HEMK2: variants seen among roughly 807,000 people sequenced by gnomAD.
The protein encoded by HEMK2 is HemK methyltransferase 2, ETF1 glutamine and histone H4 lysine, also known as methyltransferase HEMK2.
the HEMK2 span, among the ~76,000 whole-genome samples, chr21:28,858,955 C>T: frequency 1.3e-5 from 2 of 152,182 alleles, no homozygotes; most frequent in Non-Finnish European, 2.9e-5. Context: ...GGTCAATTAT[C>T]TTATTTGAGA....
At chr21:28,877,124 GA>G in the HEMK2 span, among the ~76,000 whole-genome samples, 12 of 66,122 alleles carry the variant, frequency 1.8e-4, no homozygotes, top group South Asian at 8.9e-4. Context: ...ACAGAAGGAA[GA>G]AAAAAAGAGA....
chr21:28,740,890 T>C, the HEMK2 span, among the ~76,000 whole-genome samples: 4 of 151,830 alleles, frequency 2.6e-5, no homozygotes, highest in Non-Finnish European at 5.9e-5. Context: ...TGGATAAGTA[T>C]GTTAATAAAT....
At chr21:28,751,093 T>C in the HEMK2 span, among the ~76,000 whole-genome samples, 2 of 151,966 alleles carry the variant, frequency 1.3e-5, no homozygotes, top group Admixed American at 1.3e-4. Flanking sequence ...TAGCCGGGCG[T>C]GGTGGCGAGC....
At chr21:28,864,275 G>A in the HEMK2 span, among the ~76,000 whole-genome samples, 16 of 152,194 alleles carry the variant, frequency 1.1e-4, no homozygotes, top group African/African-American at 3.9e-4. Flanking sequence ...CTAGAGATGA[G>A]AGAGAGAGAG....
the HEMK2 span, among the ~76,000 whole-genome samples, chr21:28,822,598 T>C: frequency 2.6e-5 from 4 of 151,914 alleles, no homozygotes; most frequent in Non-Finnish European, 4.4e-5. Flanking sequence ...TATACACATA[T>C]ATATATCCCT....
At chr21:28,667,710 A>G in the HEMK2 span, among the ~76,000 whole-genome samples, 1 of 152,214 alleles carries the variant, frequency 6.6e-6, no homozygotes, top group Non-Finnish European at 1.5e-5. Flanking sequence ...TAAAAACACT[A>G]TTCTAGAGGC....
the HEMK2 span, among the ~76,000 whole-genome samples, chr21:28,747,601 G>T: frequency 6.6e-6 from 1 of 152,112 alleles, no homozygotes; most frequent in South Asian, 2.1e-4. Flanking sequence ...GTTTAAAATG[G>T]ACTTTTATGT....
the HEMK2 span, among the ~76,000 whole-genome samples, chr21:28,630,842 A>C: frequency 6.6e-6 from 1 of 151,566 alleles, no homozygotes; most frequent in African/African-American, 2.4e-5. Flanking sequence ...TGACGAGTTA[A>C]TGGGTGCAGC....
At chr21:28,767,949 G>A in the HEMK2 span, among the ~76,000 whole-genome samples, 5 of 151,778 alleles carry the variant, frequency 3.3e-5, no homozygotes, top group Admixed American at 6.6e-5. Flanking sequence ...CCCCTCCAGC[G>A]ACCCCCCTTT....
chr21:28,662,664 T>A, the HEMK2 span, among the ~76,000 whole-genome samples: 1 of 152,158 alleles, frequency 6.6e-6, no homozygotes, highest in Admixed American at 6.5e-5. Flanking sequence ...TGACTTCTTA[T>A]GAGATCTGAT....
At chr21:28,648,067 A>G in the HEMK2 span, among the ~76,000 whole-genome samples, 1 of 152,196 alleles carries the variant, frequency 6.6e-6, no homozygotes, top group Non-Finnish European at 1.5e-5. Flanking sequence ...AGAGGCTGAG[A>G]TTTCTTAATG....
At chr21:28,704,293 C>T in the HEMK2 span, among the ~76,000 whole-genome samples, 1 of 152,140 alleles carries the variant, frequency 6.6e-6, no homozygotes, top group Non-Finnish European at 1.5e-5. Flanking sequence ...TATCCCTTCT[C>T]AGACCTCCTA....
the HEMK2 span, among the ~76,000 whole-genome samples, chr21:28,712,358 G>A: frequency 6.6e-6 from 1 of 152,224 alleles, no homozygotes; most frequent in Admixed American, 6.5e-5. Flanking sequence ...TTTAGTAATA[G>A]AGAAGAAGAG....
the HEMK2 span, among the ~76,000 whole-genome samples, chr21:28,881,374 T>C: frequency 2.0e-5 from 3 of 152,078 alleles, no homozygotes; most frequent in African/African-American, 7.2e-5. Context: ...CAGCAAAAGG[T>C]TGAGAGATAG....
At chr21:28,589,666 T>C in the HEMK2 span, among the ~76,000 whole-genome samples, 3 of 152,146 alleles carry the variant, frequency 2.0e-5, no homozygotes, top group African/African-American at 4.8e-5. Flanking sequence ...GAATGATCCA[T>C]GTGGTATACT....
chr21:28,719,181 G>C, the HEMK2 span, among the ~76,000 whole-genome samples: 7 of 152,126 alleles, frequency 4.6e-5, no homozygotes, highest in East Asian at 1.9e-4. Flanking sequence ...GCATCATTAT[G>C]CTTTGGGTTT....
At chr21:28,857,205 TG>T in the HEMK2 span, among the ~76,000 whole-genome samples, 35 of 152,168 alleles carry the variant, frequency 2.3e-4, no homozygotes, top group Admixed American at 3.9e-4. Flanking sequence ...TAGCAAACTT[TG>T]TATAAAGTTC....
At chr21:28,783,497 T>C in the HEMK2 span, among the ~76,000 whole-genome samples, 1 of 152,220 alleles carries the variant, frequency 6.6e-6, no homozygotes, top group Admixed American at 6.5e-5. Flanking sequence ...AATAATATTT[T>C]TAGTATTTTT....
the HEMK2 span, among the ~76,000 whole-genome samples, chr21:28,671,629 G>A: frequency 6.6e-6 from 1 of 152,174 alleles, no homozygotes; most frequent in East Asian, 1.9e-4. Context: ...ATAACCTGGT[G>A]TTTATAACGT....
Sources: gnomAD v4.1 joint callset for allele counts (sites outside exome capture counted in the v4.1 genomes callset) on GRCh38, gnomAD v4.1.1 for gene constraint, MANE v1.5 for transcripts, NCBI Gene and HGNC (gene_info 2026-07-23, HGNC 2026-07-21) for gene names.